The following USP25 variants were observed in gnomAD, a reference collection of about 807,000 sequenced individuals.
USP25 encodes the protein ubiquitin carboxyl-terminal hydrolase 25.
USP25 carries 85 observed loss-of-function variants against 158.5 expected under a neutral mutation model. The observed-to-expected ratio is 0.54, with a 90% confidence interval of 0.45 to 0.64. The LOEUF is 0.64. USP25 is among the 30% of genes least tolerant of loss of function. The pLI is 0.00. For synonymous variants in USP25, 464 were observed against 460.4 expected (o/e 1.01, Z -0.10); for missense variants, 1,242 against 1,327.3 (o/e 0.94, Z 1.00).
rs896435157 is a variant in USP25 at position 15,843,697 on chromosome 21, G to A, written c.2337+1157G>A. Among the ~76,000 whole-genome samples, 7 of 152,088 alleles carry A rather than the reference G, an allele frequency of 4.6e-5. No homozygotes were observed. The highest frequency in any genetic ancestry group is 1.5e-5 in the Non-Finnish European group (1 of 68,004). ...GAAAATGCTTTGTTTAGTGGATCTG[G>A]GATGTCTGCTTCTTGGGTGATGGTA... On this transcript the variant is annotated intron_variant, in intron 18 of 25. Transcript: ENST00000400183. The surrounding 1 kb of genome is among the most constrained non-coding windows in gnomAD (Gnocchi z 4.0).
intron 1 of USP25, among the ~76,000 whole-genome samples, chr21:15,760,854 C>A (rs2123389211): frequency 6.6e-6 from 1 of 152,252 alleles, no homozygotes; most frequent in South Asian, 2.1e-4. Flanking sequence ...AAAAGATACT[C>A]TCTTACTATA....
At chr21:15,842,629 G>A (rs1555854370) in intron 18 of USP25, 89 bp downstream of exon 18, 2 of 1,495,058 alleles carry the variant, frequency 1.3e-6, no homozygotes, top group Non-Finnish European at 1.8e-6. Flanking sequence ...AGGGAGTCAG[G>A]AGAGACGGGG....
chr21:15,874,703 C>A (rs2040031583), intron 24 of USP25, among the ~76,000 whole-genome samples, 177 bp downstream of exon 24: 1 of 152,150 alleles, frequency 6.6e-6, no homozygotes, highest in South Asian at 2.1e-4. Context: ...TTATTCTTTT[C>A]TCTTTATGAA....
chr21:15,811,594 GCAACTTAGCATAGTC>G (rs1161649943), intron 9 of USP25, among the ~76,000 whole-genome samples: 1 of 152,266 alleles, frequency 6.6e-6, no homozygotes, highest in Non-Finnish European at 1.5e-5. Flanking sequence ...GCTGAATTTA[GCAACTTAGCATAGTC>G]AGGGTATTAT....
chr21:15,831,384 C>CT lies in USP25; in HGVS notation c.1765-10dup. The CT allele has an allele frequency of 6.2e-7, 1 of 1,612,158 alleles. No individual in the cohort carries two copies. Among genetic ancestry groups the CT allele is most frequent in the Non-Finnish European group, 8.5e-7 (1 of 1,178,410 alleles). On this transcript the variant is annotated splice_polypyrimidine_tract_variant and intron_variant, in intron 15 of 25. Coordinates refer to ENST00000400183, the MANE Select transcript of USP25 (RefSeq NM_001283041.3). ...ACTACATAATTGCAGTTTAACTCTTCTTTTTTTCACATTTAGGTTCCTTAT... is the reference window on the plus strand; with the variant it reads ...ACTACATAATTGCAGTTTAACTCTTCTTTTTTTTCACATTTAGGTTCCTTAT...
At chr21:15,873,875 T>TG (rs2039994087) in intron 23 of USP25, among the ~76,000 whole-genome samples, 2 of 152,154 alleles carry the variant, frequency 1.3e-5, no homozygotes, top group Admixed American at 1.3e-4. Flanking sequence ...AATCTTTCAT[T>TG]GTCCACTTCC....
intron 14 of USP25, among the ~76,000 whole-genome samples, chr21:15,829,883 G>A (rs940324088): frequency 6.6e-6 from 1 of 152,038 alleles, no homozygotes. Flanking sequence ...TCTAAAGTTA[G>A]CCAGTTTCTT....
intron 20 of USP25, among the ~76,000 whole-genome samples, chr21:15,863,921 C>G (rs185101257): frequency 2.4e-3 from 359 of 151,998 alleles, no homozygotes; most frequent in African/African-American, 8.3e-3. Context: ...CCTGTAATCC[C>G]AGCTACTTGG....
At chr21:15,734,410 G>A (rs2123155214) in intron 1 of USP25, among the ~76,000 whole-genome samples, 1 of 152,256 alleles carries the variant, frequency 6.6e-6, no homozygotes, top group South Asian at 2.1e-4. Context: ...TTCTTTATTA[G>A]GAATCAGTTG....
chr21:15,878,380 C>T lies in USP25; in HGVS notation c.3283C>T (p.Pro1095Ser). 1.2e-6 allele frequency: 2 copies of T among 1,614,042 alleles called. No homozygotes were observed. The highest frequency in any genetic ancestry group is 1.6e-4 in the Middle Eastern group (1 of 6,062). ...TATGGAGATTAAAAGTTTCCATGAG[C>T]CACCGAAGTTACCTTCATATTCCAC... Reference protein sequence around the residue: ...CSMEIKSFHEPPKLPSYSTHE... With the variant: ...CSMEIKSFHESPKLPSYSTHE... The change falls in exon 26 of 26, where the codon CCA (proline) becomes TCA (serine). Residue 1095 changes from proline (P) to serine (S), a missense_variant. Transcript: ENST00000400183.
intron 1 of USP25, among the ~76,000 whole-genome samples, chr21:15,755,788 TG>T (rs1343537348): frequency 1.3e-5 from 2 of 152,086 alleles, no homozygotes; most frequent in Non-Finnish European, 2.9e-5. Context: ...CATGGAAGCA[TG>T]GGTGGGAGCT....
At chr21:15,781,483 G>C (rs2034959594) in intron 4 of USP25, among the ~76,000 whole-genome samples, 1 of 152,136 alleles carries the variant, frequency 6.6e-6, no homozygotes, top group Admixed American at 6.5e-5. Context: ...ATGTCAGCAA[G>C]ATCGCCAACT....
chr21:15,778,140 G>T, intron 4 of USP25, 113 bp downstream of exon 4: 1 of 972,038 alleles, frequency 1.0e-6, no homozygotes, highest in South Asian at 3.1e-5. Context: ...CTCTAAACTA[G>T]TAATATGCTT....
chr21:15,787,844 G>A (rs2035367794), intron 4 of USP25, among the ~76,000 whole-genome samples: 1 of 149,384 alleles, frequency 6.7e-6, no homozygotes, highest in Non-Finnish European at 1.5e-5. Context: ...GATATTTTCA[G>A]TATTACTGCT....
intron 7 of USP25, among the ~76,000 whole-genome samples, chr21:15,807,256 C>G (rs2036437910): frequency 6.6e-6 from 1 of 152,086 alleles, no homozygotes; most frequent in East Asian, 1.9e-4. Context: ...TTTAATCATA[C>G]CTTTAATTGT....
chr21:15,873,889 A>G (rs2039994843), intron 23 of USP25, among the ~76,000 whole-genome samples: 1 of 150,480 alleles, frequency 6.6e-6, no homozygotes, highest in Non-Finnish European at 1.5e-5. Flanking sequence ...CACTTCCTCT[A>G]TTTCCTTTAG....
Position 15,766,402 on chromosome 21 carries a change from T to C in USP25, c.268+261T>C, listed in dbSNP as rs961281432. On this transcript the variant is annotated intron_variant, in intron 3 of 25. Coordinates refer to ENST00000400183, the MANE Select transcript of USP25 (RefSeq NM_001283041.3). The surrounding 1 kb of genome is among the most constrained non-coding windows in gnomAD (Gnocchi z 4.0). ...TTGAAATATGGAATAGCTGCAGATA[T>C]ATTCATAAAAGGAAGAACTAGAATT... 3.9e-5 allele frequency among the ~76,000 whole-genome samples: 6 copies of C among 152,116 alleles called. No individual in the cohort carries two copies. Among genetic ancestry groups the C allele is most frequent in the Non-Finnish European group, 7.4e-5 (5 of 67,986 alleles).
intron 1 of USP25, among the ~76,000 whole-genome samples, chr21:15,750,136 T>C (rs2032871931): frequency 6.6e-6 from 1 of 150,770 alleles, no homozygotes; most frequent in South Asian, 2.1e-4. Flanking sequence ...CAATCACCAA[T>C]GGCCAATGAT....
intron 3 of USP25, among the ~76,000 whole-genome samples, chr21:15,769,905 A>G (rs1317986103): frequency 6.6e-6 from 1 of 152,120 alleles, no homozygotes; most frequent in African/African-American, 2.4e-5. Context: ...AGTTTTAGAG[A>G]AATTGGTATA....
Sources: allele counts gnomAD v4.1 joint callset (sites outside exome capture counted in the v4.1 genomes callset), GRCh38; gene constraint gnomAD v4.1.1; non-coding constraint Gnocchi (gnomAD v3.1); transcripts MANE v1.5; gene names NCBI Gene and HGNC (gene_info 2026-07-23, HGNC 2026-07-21).